ZNF536: variants seen among roughly 807,000 people sequenced by gnomAD.
ZNF536 encodes zinc finger protein 536.
A neutral mutation model predicts 84.5 loss-of-function variants in ZNF536; 13 were observed. The ratio of observed to expected loss-of-function variants is 0.15; its 90% confidence interval spans 0.10 to 0.24. The LOEUF (loss-of-function observed/expected upper bound fraction) is 0.24, where lower values mean the gene tolerates loss of function less well. ZNF536 is among the 10% of genes least tolerant of loss of function. The probability of loss-of-function intolerance (pLI) is 1.00; values close to 1 mark genes in which losing one functional copy is unlikely to be tolerated. For synonymous variants in ZNF536, 811 were observed against 742.5 expected, an observed-to-expected ratio of 1.09 and a Z score of -1.50; for missense variants, 1,536 against 1,747.5, an observed-to-expected ratio of 0.88 and a Z score of 2.16.
At chr19:30,424,927 T>A (rs2051146036) in intron 1 of ZNF536, among the ~76,000 whole-genome samples, 1 of 152,108 alleles carries the variant, frequency 6.6e-6, no homozygotes, top group East Asian at 1.9e-4. Context: ...CACCCAACGC[T>A]TCTGGAAGAG....
intron 2 of ZNF536, among the ~76,000 whole-genome samples, chr19:30,285,001 T>C (rs991904006): frequency 6.6e-6 from 1 of 152,260 alleles, no homozygotes; most frequent in Non-Finnish European, 1.5e-5. Context: ...TGTTTTATTC[T>C]TACCTTCTTA....
At chr19:30,280,159 C>T (rs1424522446) in intron 1 of ZNF536, among the ~76,000 whole-genome samples, 3 of 152,102 alleles carry the variant, frequency 2.0e-5, no homozygotes, top group Non-Finnish European at 4.4e-5. Context: ...ATCCGCCTCA[C>T]CTCCATCCTT....
intron 2 of ZNF536, among the ~76,000 whole-genome samples, chr19:30,289,480 T>A (rs2045759060): frequency 6.6e-6 from 1 of 152,200 alleles, no homozygotes; most frequent in Non-Finnish European, 1.5e-5. Context: ...TGCGAGTGCC[T>A]GAGAGGCCGG....
rs547191428 is a variant in ZNF536 at position 30,445,260 on chromosome 19, C to T, written c.1698C>T (p.Tyr566=). 10 of 1,614,134 alleles carry T rather than the reference C, an allele frequency of 6.2e-6. No individual in the cohort carries two copies. The highest frequency in any genetic ancestry group is 1.1e-5 in the South Asian group (1 of 91,084). ...GVLFDKEKRE[Y]VLVGADGSKQ... ...TGTTTGATAAGGAGAAGCGGGAGTA[C>T]GTGTTAGTGGGAGCAGATGGCTCCA... Residue 566 remains tyrosine, a synonymous_variant, in exon 2 of 5, where the codon TAC becomes TAT. Transcript: ENST00000355537. This position sits in a 1 kb window ranked among gnomAD's most constrained non-coding sequence, Gnocchi z 4.5.
chr19:30,528,989 G>A (rs2044698414), intron 2 of ZNF536, among the ~76,000 whole-genome samples: 1 of 151,952 alleles, frequency 6.6e-6, no homozygotes. Flanking sequence ...TCAGCATGGC[G>A]GGACCCGGAG....
chr19:30,560,972 A>G (rs903345284), downstream of ZNF536, among the ~76,000 whole-genome samples: 5 of 152,234 alleles, frequency 3.3e-5, no homozygotes, highest in African/African-American at 1.2e-4. Context: ...ATTAGCAAAA[A>G]TAGCCATTTG....
chr19:30,584,958 ATGTTGGTATGTGC>A (rs2146717438), intron 1 of ZNF536, among the ~76,000 whole-genome samples: 1 of 151,984 alleles, frequency 6.6e-6, no homozygotes, highest in African/African-American at 2.4e-5. Context: ...TTAGCTGGGC[ATGTTGGTATGTGC>A]CTCTAGTCCC....
intron 2 of ZNF536, among the ~76,000 whole-genome samples, chr19:30,338,878 G>A (rs2047472607): frequency 1.3e-5 from 2 of 152,156 alleles, no homozygotes; most frequent in South Asian, 2.1e-4. Context: ...TTGAGCATCA[G>A]TTTCCCTATG....
chr19:30,380,201 G>A (rs1358901796), intron 1 of ZNF536, among the ~76,000 whole-genome samples: 1 of 150,366 alleles, frequency 6.7e-6, no homozygotes, highest in African/African-American at 2.4e-5. Flanking sequence ...TTTTTTTTTT[G>A]CCAGCCGTCA....
At chr19:30,290,660 G>T (rs1228014492) in intron 2 of ZNF536, among the ~76,000 whole-genome samples, 1 of 151,978 alleles carries the variant, frequency 6.6e-6, no homozygotes, top group Non-Finnish European at 1.5e-5. Flanking sequence ...TGTAAATGTG[G>T]GTTTATATGT....
At chr19:30,536,288 C>T (rs567856961) in intron 3 of ZNF536, among the ~76,000 whole-genome samples, 1 of 152,262 alleles carries the variant, frequency 6.6e-6, no homozygotes, top group South Asian at 2.1e-4. Flanking sequence ...TCCTGCCCCT[C>T]CCTCCACCTG....
intron 1 of ZNF536, among the ~76,000 whole-genome samples, chr19:30,646,282 C>A (rs2049465786): frequency 1.3e-5 from 2 of 152,102 alleles, no homozygotes; most frequent in Non-Finnish European, 2.9e-5. Flanking sequence ...ATAGTATGTT[C>A]TTTTTTCCTT....
intron 2 of ZNF536, among the ~76,000 whole-genome samples, chr19:30,322,324 C>T (rs2046884699): frequency 6.6e-6 from 1 of 152,126 alleles, no homozygotes; most frequent in Non-Finnish European, 1.5e-5. Context: ...CTATGATGAT[C>T]ATCTTTGTAT....
At chr19:30,698,474 A>G (rs1287700670) in intron 1 of ZNF536, among the ~76,000 whole-genome samples, 1 of 152,124 alleles carries the variant, frequency 6.6e-6, no homozygotes, top group Non-Finnish European at 1.5e-5. Flanking sequence ...TTTTTATCCG[A>G]TGTCCTGTTC....
chr19:30,399,676 A>T (rs922098215), intron 1 of ZNF536, among the ~76,000 whole-genome samples: 2 of 123,026 alleles, frequency 1.6e-5, no homozygotes, highest in Non-Finnish European at 1.6e-5. Context: ...TTAAATAAGA[A>T]ATGTTTTTTT....
rs2146252844 is a variant in ZNF536 at position 30,549,364 on chromosome 19, C to T, written c.3745C>T (p.Pro1249Ser). 1 of 1,600,876 alleles carries T rather than the reference C, an allele frequency of 6.2e-7. No individual in the cohort carries two copies. Among genetic ancestry groups the T allele is most frequent in the Non-Finnish European group, 8.5e-7 (1 of 1,173,232 alleles). ...AGCCCAGGACCCCTTGGCGGGCCTGCCAAAGCCGGAGCGGGGGCCCCAGAG... is the reference window on the plus strand; with the variant it reads ...AGCCCAGGACCCCTTGGCGGGCCTGTCAAAGCCGGAGCGGGGGCCCCAGAG... ...LQAQDPLAGL[P>S]KPERGPQSLD... Residue 1249 changes from proline to serine, a missense_variant, in exon 4 of 5, where the codon CCA becomes TCA. Transcript: ENST00000355537.
intron 1 of ZNF536, among the ~76,000 whole-genome samples, chr19:30,386,326 C>A (rs1600506696): frequency 6.6e-6 from 1 of 152,182 alleles, no homozygotes; most frequent in Non-Finnish European, 1.5e-5. Context: ...ACTCTTCTGA[C>A]CATGTTATTG....
chr19:30,683,936 G>T (rs1179418332), intron 1 of ZNF536, among the ~76,000 whole-genome samples: 1 of 152,160 alleles, frequency 6.6e-6, no homozygotes, highest in Non-Finnish European at 1.5e-5. Flanking sequence ...AATCAGTTAA[G>T]AATTCATGCC....
intron 1 of ZNF536, among the ~76,000 whole-genome samples, chr19:30,230,561 C>G (rs1414687304): frequency 5.9e-5 from 9 of 152,168 alleles, no homozygotes; most frequent in Non-Finnish European, 1.3e-4. Context: ...CTGTTCTGGT[C>G]CAAGTCAGAG....
Sources: gnomAD v4.1 joint callset for allele counts (sites outside exome capture counted in the v4.1 genomes callset) on GRCh38, gnomAD v4.1.1 for gene constraint, Gnocchi (gnomAD v3.1) non-coding constraint, MANE v1.5 for transcripts, NCBI Gene and HGNC (gene_info 2026-07-23, HGNC 2026-07-21) for gene names.